Variants in PLEKHA7 observed in about 807,000 individuals in gnomAD.
The protein encoded by PLEKHA7 is pleckstrin homology domain containing A7, also known as pleckstrin homology domain-containing family A member 7.
PLEKHA7 carries 104 observed loss-of-function variants against 170.0 expected under a neutral mutation model. That is an observed-to-expected ratio of 0.61 (90% confidence interval 0.52 to 0.72). PLEKHA7 has a LOEUF of 0.72. Ranked by LOEUF, PLEKHA7 falls within the 30% of genes least tolerant of loss-of-function variation. The pLI, the probability that PLEKHA7 is intolerant of heterozygous loss-of-function variation, is 0.00. For synonymous variants in PLEKHA7, 648 were observed against 660.8 expected, an observed-to-expected ratio of 0.98 and a Z score of 0.30; for missense variants, 1,615 against 1,671.7, an observed-to-expected ratio of 0.97 and a Z score of 0.59.
Position 16,826,292 on chromosome 11 carries a change from C to T in PLEKHA7, c.1171G>A (p.Ala391Thr), listed in dbSNP as rs200409238. 23 of 1,614,118 alleles carry T rather than the reference C, an allele frequency of 1.4e-5. No individual in the cohort carries two copies. The highest frequency in any genetic ancestry group is 1.8e-5 in the Non-Finnish European group (21 of 1,180,042). The change falls in exon 10 of 27, where the codon GCA becomes ACA. Residue 391 changes from alanine (A) to threonine (T), a missense_variant. Physicochemically the swap from Ala to Thr is moderately conservative, Grantham distance 58. Transcript: ENST00000531066. ...GCAGGCAGCATTCCATTCTTCTCTG[C>T]CCGTTGGGGCTGTGCCTGCTGGCCT... The part of the protein sequence containing the change: ...PRGQQAQPQR[A>T]EKNGMLPASY...
At chr11:16,797,014 A>AT (rs544216848) in intron 17 of PLEKHA7, among the ~76,000 whole-genome samples, 62 of 152,268 alleles carry the variant, frequency 4.1e-4, no homozygotes, top group African/African-American at 1.3e-3. Context: ...AAAGCTGTTA[A>AT]TTTTTTTAGC....
intron 3 of PLEKHA7, among the ~76,000 whole-genome samples, chr11:16,993,231 A>C (rs1864150361): frequency 6.6e-6 from 1 of 152,170 alleles, no homozygotes; most frequent in Admixed American, 6.5e-5. Context: ...AAAGGAAAAT[A>C]AGGCAGTAGG....
chr11:17,014,318 G>C lies in PLEKHA7; in HGVS notation c.84C>G (p.Ile28Met), dbSNP rs2137177698. Residue 28 changes from isoleucine (I) to methionine (M), a missense_variant and splice_region_variant, in exon 1 of 27, where the codon ATC becomes ATG. Transcript: ENST00000531066. ...GVCRDGRVFFINDQLRCTTWL... is the reference protein window; with the variant it reads ...GVCRDGRVFFMNDQLRCTTWL... Reference sequence around the variant, plus strand: ...GTCCCCGGGTCCTCGCGCCGCACTTGATGAAGAAGACGCGGCCATCCCGGC... The same window carrying C: ...GTCCCCGGGTCCTCGCGCCGCACTTCATGAAGAAGACGCGGCCATCCCGGC... The C allele has an allele frequency of 6.9e-7, 1 of 1,444,632 alleles. No homozygotes were observed. The highest frequency in any genetic ancestry group is 9.1e-7 in the Non-Finnish European group (1 of 1,094,270). The allele number at this position is 1,444,632 out of a possible 1,614,324, so 89.5% of individuals were successfully genotyped here.
chr11:16,836,005 G>A (rs1049695615), intron 9 of PLEKHA7, among the ~76,000 whole-genome samples: 1 of 152,222 alleles, frequency 6.6e-6, no homozygotes, highest in Admixed American at 6.5e-5. Context: ...CAGAAGTGAC[G>A]CATGTGTTTC....
intron 3 of PLEKHA7, among the ~76,000 whole-genome samples, chr11:16,908,469 G>A (rs1387412868): frequency 1.3e-5 from 2 of 151,406 alleles, no homozygotes; most frequent in African/African-American, 2.4e-5. Context: ...CTCAGGTTTC[G>A]AGCTCCCAGA....
At chr11:16,915,128 T>C (rs1289880944) in intron 3 of PLEKHA7, among the ~76,000 whole-genome samples, 1 of 152,052 alleles carries the variant, frequency 6.6e-6, no homozygotes, top group Non-Finnish European at 1.5e-5. Context: ...CAATGACCCT[T>C]AAGGGGATGG....
At chr11:17,010,579 C>T (rs763424870) in intron 3 of PLEKHA7, among the ~76,000 whole-genome samples, 30 of 152,222 alleles carry the variant, frequency 2.0e-4, no homozygotes, top group Middle Eastern at 3.4e-3. Context: ...GCACTCCAGA[C>T]TAGGAGACAG....
intron 10 of PLEKHA7, among the ~76,000 whole-genome samples, chr11:16,822,502 GAAAAA>G (rs775136335): frequency 8.9e-5 from 7 of 78,954 alleles, no homozygotes; most frequent in Non-Finnish European, 6.6e-5. Flanking sequence ...TTTGGTAGGG[GAAAAA>G]AAAAAAAAAA....
At chr11:16,888,365 G>A (rs1246074496) in intron 3 of PLEKHA7, among the ~76,000 whole-genome samples, 3 of 151,896 alleles carry the variant, frequency 2.0e-5, no homozygotes, top group South Asian at 2.1e-4. Flanking sequence ...CATTGAGAGC[G>A]GGCCAATGAT....
At chr11:16,947,604 G>A (rs901328535) in intron 3 of PLEKHA7, among the ~76,000 whole-genome samples, 1 of 68,764 alleles carries the variant, frequency 1.5e-5, no homozygotes. Context: ...AAAAAAAAAA[G>A]AAAGAAAGAA....
intron 3 of PLEKHA7, among the ~76,000 whole-genome samples, chr11:16,907,669 G>A (rs1314952857): frequency 4.7e-5 from 6 of 128,546 alleles, no homozygotes; most frequent in South Asian, 2.5e-4. Flanking sequence ...CCGGCCAGCC[G>A]CCCCGTCCGG....
chr11:16,801,860 T>C (rs751425653), intron 15 of PLEKHA7, 43 bp from the exon 16 acceptor site: 1 of 1,610,732 alleles, frequency 6.2e-7, no homozygotes, highest in East Asian at 2.2e-5. Context: ...AGGAGGACAG[T>C]CCCCAGAGGC....
At chr11:16,859,456 T>C (rs1853752541) in intron 4 of PLEKHA7, among the ~76,000 whole-genome samples, 1 of 152,244 alleles carries the variant, frequency 6.6e-6, no homozygotes, top group African/African-American at 2.4e-5. Flanking sequence ...CTCACTTGGC[T>C]GAAAACCTGG....
At chr11:17,013,960 G>A in intron 3 of PLEKHA7, 29 bp downstream of exon 3, 1 of 1,527,480 alleles carries the variant, frequency 6.5e-7, no homozygotes, top group Non-Finnish European at 8.8e-7. Context: ...CGCGGCACAG[G>A]TGCGAGCGCG....
At chr11:17,004,742 C>T (rs1048310931) in intron 3 of PLEKHA7, among the ~76,000 whole-genome samples, 2 of 151,952 alleles carry the variant, frequency 1.3e-5, no homozygotes, top group Admixed American at 1.3e-4. Context: ...CCCAAATTCC[C>T]GCACTAAAAA....
intron 23 of PLEKHA7, chr11:16,787,398 C>A (rs1345903221): frequency 6.4e-6 from 1 of 157,116 alleles, no homozygotes; most frequent in East Asian, 2.2e-4. Context: ...CATTCATGCA[C>A]AAGCTCTCAA....
chr11:16,889,418 A>AAAAAAAAAAAAAAAAT (rs1856460973), intron 3 of PLEKHA7, among the ~76,000 whole-genome samples: 1 of 103,556 alleles, frequency 9.7e-6, no homozygotes, highest in African/African-American at 4.4e-5. Context: ...AAAAAAAAAA[A>AAAAAAAAAAAAAAAAT]AAATATATAT....
At chr11:16,952,084 C>T (rs895903105) in intron 3 of PLEKHA7, among the ~76,000 whole-genome samples, 9 of 152,202 alleles carry the variant, frequency 5.9e-5, no homozygotes, top group African/African-American at 1.9e-4. Context: ...ACACACAGGT[C>T]CCCCAAGATC....
chr11:16,919,792 G>GA (rs35362778), intron 3 of PLEKHA7, among the ~76,000 whole-genome samples: 11 of 151,520 alleles, frequency 7.3e-5, no homozygotes, highest in Admixed American at 1.3e-4. Context: ...TCTAAGCAGG[G>GA]AAAAAAAAGA....
Sources: allele counts gnomAD v4.1 joint callset (sites outside exome capture counted in the v4.1 genomes callset), GRCh38; gene constraint gnomAD v4.1.1; transcripts MANE v1.5; gene names NCBI Gene and HGNC (gene_info 2026-07-23, HGNC 2026-07-21).